Variants in SHISA6 observed in about 807,000 individuals in gnomAD.
SHISA6 encodes the protein protein shisa-6.
In SHISA6, 22 loss-of-function variants were observed where a neutral mutation model predicts 47.9. That is an observed-to-expected ratio of 0.46 (90% confidence interval 0.33 to 0.66). The LOEUF (loss-of-function observed/expected upper bound fraction) is 0.66. Among genes scored for constraint, SHISA6 ranks in the 30% least tolerant of loss-of-function variants. SHISA6 has a pLI of 0.02. For synonymous variants in SHISA6, 388 were observed against 337.8 expected, an observed-to-expected ratio of 1.15 and a Z score of -1.63; for missense variants, 680 against 764.6, an observed-to-expected ratio of 0.89 and a Z score of 1.30.
At position 11,557,964 on chromosome 17, in the gene SHISA6, G is replaced by A. The variant is rs772635083; in HGVS notation, c.1316G>A (p.Arg439His). ...LPDEFSMPYD[R>H]ILSDEQLLST... ...GATGAGTTCAGCATGCCCTACGACCGCATCCTGTCCGACGAGCAGCTGCTC... is the reference window on the plus strand; with the variant it reads ...GATGAGTTCAGCATGCCCTACGACCACATCCTGTCCGACGAGCAGCTGCTC... Residue 439 changes from arginine to histidine, a missense_variant, in exon 6 of 6, where the codon CGC becomes CAC. Physicochemically the swap from Arg to His is conservative, Grantham distance 29. This residue lies in a region of SHISA6 where 559 missense variants were observed against 674.1 expected (regional missense o/e 0.83). Transcript: ENST00000441885. 4.1e-5 allele frequency: 64 copies of A among 1,551,476 alleles called. No homozygotes were observed. The highest frequency in any genetic ancestry group is 5.9e-5 in the Admixed American group (3 of 51,004).
intron 3 of SHISA6, among the ~76,000 whole-genome samples, chr17:11,401,792 C>T (rs1913782611): frequency 6.6e-6 from 1 of 152,192 alleles, no homozygotes; most frequent in African/African-American, 2.4e-5. Flanking sequence ...TGTAGCTGCA[C>T]AGAACATGCA....
chr17:11,317,309 A>T (rs950793306), intron 2 of SHISA6, among the ~76,000 whole-genome samples: 1 of 151,050 alleles, frequency 6.6e-6, no homozygotes, highest in Non-Finnish European at 1.5e-5. Context: ...TATGATTGCT[A>T]TTACTTTGGT....
chr17:11,467,923 C>T (rs1277520624), intron 3 of SHISA6, among the ~76,000 whole-genome samples: 2 of 152,108 alleles, frequency 1.3e-5, no homozygotes, highest in African/African-American at 2.4e-5. Flanking sequence ...CTTCTAAAAC[C>T]CTTAAAGCTT....
chr17:11,246,854 T>G (rs1907613701), intron 1 of SHISA6, among the ~76,000 whole-genome samples: 2 of 49,006 alleles, frequency 4.1e-5, no homozygotes, highest in Admixed American at 7.1e-4. Flanking sequence ...GGTTCCTTCT[T>G]GCTTTAGCAG....
At chr17:11,491,039 C>T (rs954299695) in intron 3 of SHISA6, among the ~76,000 whole-genome samples, 5 of 152,156 alleles carry the variant, frequency 3.3e-5, no homozygotes, top group African/African-American at 9.7e-5. Flanking sequence ...CTTCAATAGC[C>T]GGAGTTCCTT....
chr17:11,515,789 A>G (rs188776574), intron 3 of SHISA6, among the ~76,000 whole-genome samples: 1 of 152,100 alleles, frequency 6.6e-6, no homozygotes, highest in African/African-American at 2.4e-5. Flanking sequence ...AGATGCATCA[A>G]CTCAACCAAG....
chr17:11,553,005 G>A lies in SHISA6; in HGVS notation c.952+1053G>A, dbSNP rs77100647. On this transcript the variant is annotated intron_variant, in intron 4 of 5. Coordinates refer to ENST00000441885, the MANE Select transcript of SHISA6 (RefSeq NM_207386.4). Reference sequence around the variant, plus strand: ...GAAAGTTCCTTACTAACTGAATGTGGCTGATGAGAGCCAATGATGACACTG... The same window carrying A: ...GAAAGTTCCTTACTAACTGAATGTGACTGATGAGAGCCAATGATGACACTG... 5.5e-3 allele frequency among the ~76,000 whole-genome samples: 831 copies of A among 152,288 alleles called. 8 individuals are homozygous for A. The highest frequency in any genetic ancestry group is 0.019 in the African/African-American group (788 of 41,554).
intron 2 of SHISA6, among the ~76,000 whole-genome samples, chr17:11,314,628 C>T (rs369383359): frequency 2.0e-5 from 3 of 151,616 alleles, no homozygotes; most frequent in African/African-American, 4.9e-5. Flanking sequence ...CTCCGTCTCC[C>T]GGATTCAAGC....
chr17:11,291,103 T>C (rs562100878), intron 2 of SHISA6, among the ~76,000 whole-genome samples: 8 of 152,252 alleles, frequency 5.3e-5, no homozygotes, highest in African/African-American at 1.9e-4. Flanking sequence ...CCAGGTGACA[T>C]GCACAGTAGT....
intron 3 of SHISA6, among the ~76,000 whole-genome samples, chr17:11,524,535 T>G (rs773354887): frequency 1.3e-5 from 2 of 151,898 alleles, no homozygotes; most frequent in Non-Finnish European, 2.9e-5. Context: ...TTTGCTCTTT[T>G]GCCCAGGCTA....
chr17:11,399,109 A>G (rs1220356341), intron 3 of SHISA6, among the ~76,000 whole-genome samples: 1 of 152,200 alleles, frequency 6.6e-6, no homozygotes, highest in Admixed American at 6.5e-5. Flanking sequence ...ACAGCTAGGA[A>G]TAACAGTGGT....
intron 2 of SHISA6, among the ~76,000 whole-genome samples, chr17:11,316,331 T>TC (rs899451184): frequency 6.1e-5 from 9 of 147,616 alleles, no homozygotes; most frequent in African/African-American, 2.2e-4. Flanking sequence ...TTTCAGGTCT[T>TC]TTTTTTTTTT....
intron 3 of SHISA6, among the ~76,000 whole-genome samples, chr17:11,450,437 AC>A (rs1915365660): frequency 6.6e-6 from 1 of 152,076 alleles, no homozygotes; most frequent in African/African-American, 2.4e-5. Context: ...TGGGCGGATC[AC>A]CTGAGGTCAG....
intron 2 of SHISA6, among the ~76,000 whole-genome samples, chr17:11,304,936 A>G (rs982297200): frequency 3.3e-5 from 5 of 152,150 alleles, no homozygotes; most frequent in Admixed American, 2.0e-4. Context: ...CAGTGCTGTG[A>G]TAGTTCCTCA....
chr17:11,266,003 A>C (rs528144084), intron 2 of SHISA6, among the ~76,000 whole-genome samples: 80 of 152,342 alleles, frequency 5.3e-4, no homozygotes, highest in South Asian at 1.2e-3. Flanking sequence ...ATCCTGGCCC[A>C]GAAAGCATTC....
At chr17:11,442,136 A>G (rs543029509) in intron 3 of SHISA6, among the ~76,000 whole-genome samples, 11 of 152,314 alleles carry the variant, frequency 7.2e-5, no homozygotes, top group African/African-American at 2.6e-4. Context: ...GAGGTTGCTC[A>G]CCAACATTTT....
intron 3 of SHISA6, among the ~76,000 whole-genome samples, chr17:11,469,690 C>G (rs375587272): frequency 6.6e-6 from 1 of 152,104 alleles, no homozygotes; most frequent in African/African-American, 2.4e-5. Flanking sequence ...GGGCTTTCCC[C>G]CCTTCTCCCT....
intron 2 of SHISA6, among the ~76,000 whole-genome samples, chr17:11,375,412 G>T (rs569991824): frequency 3.1e-4 from 47 of 151,970 alleles, no homozygotes; most frequent in African/African-American, 1.1e-3. Context: ...TTGTGTATCC[G>T]TTCTCTAGTC....
At chr17:11,308,638 C>A (rs992710943) in intron 2 of SHISA6, among the ~76,000 whole-genome samples, 1 of 152,168 alleles carries the variant, frequency 6.6e-6, no homozygotes, top group Non-Finnish European at 1.5e-5. Flanking sequence ...TCAAGTTTGT[C>A]CAGCATGATT....
Sources: allele counts gnomAD v4.1 joint callset (sites outside exome capture counted in the v4.1 genomes callset), GRCh38; gene constraint gnomAD v4.1.1; regional missense constraint gnomAD v4.1.1; transcripts MANE v1.5; gene names NCBI Gene and HGNC (gene_info 2026-07-23, HGNC 2026-07-21).